Variants in RFX3 observed in about 807,000 individuals in gnomAD.
RFX3 encodes the protein regulatory factor X3.
A neutral mutation model predicts 98.6 loss-of-function variants in RFX3; 14 were observed. That is an observed-to-expected ratio of 0.14 (90% CI 0.09 to 0.22). The LOEUF is 0.22. Among genes scored for constraint, RFX3 ranks in the 10% least tolerant of loss-of-function variants. The pLI is 1.00. For missense variants in RFX3, 639 were observed against 926.9 expected (o/e 0.69, Z 4.03); for synonymous variants, 383 against 328.4 (o/e 1.17, Z -1.80).
chr9:3,293,154 G>A lies in RFX3; in HGVS notation c.654C>T (p.Asp218=). Reference sequence around the variant, plus strand: ...TTCCAAAAGAGGCAGCATTGACTGGGTCCAGTTTGTGTTCCTGACAGTGTC... The same window carrying A: ...TTCCAAAAGAGGCAGCATTGACTGGATCCAGTTTGTGTTCCTGACAGTGTC... The part of the protein sequence containing the change: ...YLRHCQEHKL[D]PVNAASFGKL... The change falls in exon 6 of 17, where the codon GAC becomes GAT. Residue 218 remains aspartate (D), a synonymous_variant. Transcript: ENST00000617270. 1.2e-6 allele frequency: 2 copies of A among 1,613,600 alleles called. No homozygotes were observed. Among genetic ancestry groups the A allele is most frequent in the Non-Finnish European group, 1.7e-6 (2 of 1,179,730 alleles).
At chr9:3,255,072 G>C (rs945681860) in intron 14 of RFX3, among the ~76,000 whole-genome samples, 10 of 152,212 alleles carry the variant, frequency 6.6e-5, no homozygotes, top group African/African-American at 2.4e-4. Flanking sequence ...CCCTGGGCTA[G>C]ACACTAGACA....
chr9:3,421,824 T>C (rs145517999), intron 1 of RFX3, among the ~76,000 whole-genome samples: 4 of 152,340 alleles, frequency 2.6e-5, no homozygotes, highest in African/African-American at 9.6e-5. Flanking sequence ...TCTGGTCTTC[T>C]ATTCCTAATG....
In RFX3 at chr9:3,284,894, T is replaced by G. The variant is rs147869548; in HGVS notation, c.851+3237A>C. Among the ~76,000 whole-genome samples the G allele has an allele frequency of 6.1e-3, 927 of 151,872 alleles. 3 individuals are homozygous for G. Among genetic ancestry groups the G allele is most frequent in the Non-Finnish European group, 9.9e-3 (670 of 67,810 alleles). On this transcript the variant is annotated intron_variant, in intron 7 of 16. Transcript: ENST00000617270. Reference sequence around the variant, plus strand: ...CTGTTTACATTTATTTTCCGACTCATGGCTATGTTCCATACAGTGGTATTG... The same window carrying G: ...CTGTTTACATTTATTTTCCGACTCAGGGCTATGTTCCATACAGTGGTATTG...
chr9:3,361,842 G>C (rs1471780213), intron 2 of RFX3, among the ~76,000 whole-genome samples: 2 of 151,974 alleles, frequency 1.3e-5, no homozygotes, highest in Non-Finnish European at 2.9e-5. Context: ...AGCTACTCAG[G>C]AGACCAAGGC....
intron 1 of RFX3, chr9:3,524,450 T>G (rs1307848135): frequency 1.1e-6 from 1 of 904,484 alleles, no homozygotes; most frequent in Admixed American, 6.2e-5. Flanking sequence ...TGCCTAGATC[T>G]TAACCAGAAA....
At chr9:3,334,304 A>AAGC (rs1319248174) in intron 3 of RFX3, among the ~76,000 whole-genome samples, 5 of 152,108 alleles carry the variant, frequency 3.3e-5, no homozygotes, top group Non-Finnish European at 5.9e-5. Flanking sequence ...AATTGTAAAG[A>AAGC]AGCCATGGAA....
In RFX3 at chr9:3,525,859, A is replaced by G; in HGVS notation, c.-121T>C. ...AGAGGAGTAGTTGTTGTTGATGGGT[A>G]ACAGTCGCCAGGACTACGGTGACTA... On this transcript the variant is annotated 5_prime_UTR_variant, in exon 1 of 17. Transcript: ENST00000617270. The G allele has an allele frequency of 1.0e-6, 1 of 985,720 alleles. No individual in the cohort carries two copies. Among genetic ancestry groups the G allele is most frequent in the African/African-American group, 1.7e-5 (1 of 57,258 alleles). The allele number at this position is 985,720 out of a possible 1,614,324, so 61.1% of individuals were successfully genotyped here. A position where few individuals can be genotyped will look rare whatever the true frequency, so the allele number is the denominator to read the frequency against.
At chr9:3,406,170 C>T (rs1032636193) in intron 1 of RFX3, among the ~76,000 whole-genome samples, 3 of 151,786 alleles carry the variant, frequency 2.0e-5, no homozygotes, top group Non-Finnish European at 4.4e-5. Flanking sequence ...ACCATGTTGC[C>T]CACCCTAGTC....
intron 9 of RFX3, among the ~76,000 whole-genome samples, chr9:3,274,722 C>A (rs540022108): frequency 6.6e-6 from 1 of 152,112 alleles, no homozygotes; most frequent in South Asian, 2.1e-4. Flanking sequence ...ATATAAAATT[C>A]AAAAGATAAA....
intron 4 of RFX3, among the ~76,000 whole-genome samples, chr9:3,316,833 G>A (rs1352595201): frequency 6.6e-6 from 1 of 152,118 alleles, no homozygotes; most frequent in East Asian, 1.9e-4. Flanking sequence ...ACCTCTTCAA[G>A]GAGAACTACA....
At chr9:3,400,355 G>A in intron 1 of RFX3, 1 of 252,740 alleles carries the variant, frequency 4.0e-6, no homozygotes, top group Non-Finnish European at 6.2e-6. Flanking sequence ...AAGCTAGAGA[G>A]TCACGGAGAA....
intron 3 of RFX3, among the ~76,000 whole-genome samples, chr9:3,334,836 T>C (rs1339242555): frequency 6.6e-6 from 1 of 152,124 alleles, no homozygotes; most frequent in Admixed American, 6.5e-5. Context: ...TATCCTTAGC[T>C]GGGCCAGGCG....
At chr9:3,511,013 T>G (rs1039106142) in intron 1 of RFX3, among the ~76,000 whole-genome samples, 6 of 152,024 alleles carry the variant, frequency 3.9e-5, no homozygotes, top group African/African-American at 1.4e-4. Context: ...ACTTTACTAC[T>G]CAGTTTGTCT....
Position 3,301,522 on chromosome 9 carries a change from G to A in RFX3, c.549+24C>T, listed in dbSNP as rs766220174. The A allele has an allele frequency of 2.6e-6, 4 of 1,520,248 alleles. No individual in the cohort carries two copies. In the South Asian group the frequency reaches 3.4e-5, roughly 13 times the overall value. 94.2% of individuals were successfully genotyped at this position (1,520,248 alleles called of 1,614,324 possible). On this transcript the variant is annotated intron_variant, in intron 5 of 16. Coordinates refer to ENST00000617270, the MANE Select transcript of RFX3 (RefSeq NM_001282116.2). ...CATGCAGAACAAGCAAGAGATTAGT[G>A]TACATGAAGAAGAGGCAACTTACAT...
At chr9:3,236,994 A>G (rs633572) in intron 15 of RFX3, among the ~76,000 whole-genome samples, 119,594 of 152,206 alleles carry the variant, frequency 0.79, 49,887 homozygotes, top group East Asian at 0.97. Flanking sequence ...AATAGTTTCT[A>G]TCTTGTGGCT....
chr9:3,226,052 T>C lies in RFX3; in HGVS notation c.2012-772A>G, dbSNP rs567304174. Among the ~76,000 whole-genome samples, 358 of 152,296 alleles carry C rather than the reference T, an allele frequency of 2.4e-3. 2 individuals carry two copies. Among genetic ancestry groups the C allele is most frequent in the Middle Eastern group, 0.014 (4 of 294 alleles). ...TAGAATGCCATTTAATTTTTTCCAG[T>C]ATGCACTGTTAAAATTCAAAAGTAC... On this transcript the variant is annotated intron_variant, in intron 16 of 16. Transcript: ENST00000617270.
chr9:3,273,500 G>C (rs1824783241), intron 9 of RFX3, among the ~76,000 whole-genome samples: 1 of 152,038 alleles, frequency 6.6e-6, no homozygotes, highest in Non-Finnish European at 1.5e-5. Context: ...TAATCTTACT[G>C]TATGTTTTGT....
At chr9:3,227,576 G>A (rs999798005) in intron 16 of RFX3, among the ~76,000 whole-genome samples, 5 of 152,180 alleles carry the variant, frequency 3.3e-5, no homozygotes, top group African/African-American at 9.7e-5. Context: ...AAGAAGCCTG[G>A]CTGGAATTCA....
At chr9:3,238,216 T>C (rs1819441002) in intron 15 of RFX3, among the ~76,000 whole-genome samples, 1 of 152,122 alleles carries the variant, frequency 6.6e-6, no homozygotes, top group Admixed American at 6.6e-5. Context: ...TAAAATGAAA[T>C]AAATGCCTCT....
Sources: gnomAD v4.1 joint callset for allele counts (sites outside exome capture counted in the v4.1 genomes callset) on GRCh38, gnomAD v4.1.1 for gene constraint, MANE v1.5 for transcripts, NCBI Gene and HGNC (gene_info 2026-07-23, HGNC 2026-07-21) for gene names.